The following ATP10B variants were observed in gnomAD, a reference collection of about 807,000 sequenced individuals.
ATP10B encodes ATPase phospholipid transporting 10B (putative).
Under a neutral mutation model 141.2 loss-of-function variants are expected in ATP10B, and 122 were observed. That is an observed-to-expected ratio of 0.86 (90% CI 0.75 to 1.00). ATP10B has a LOEUF of 1.00. ATP10B is among the 50% of genes least tolerant of loss of function. The pLI is 0.00. For synonymous variants in ATP10B, 685 were observed against 692.0 expected (o/e 0.99, Z 0.16); for missense variants, 1,876 against 1,825.3 (o/e 1.03, Z -0.51).
chr5:160,644,302 G>A (rs1760111092), intron 8 of ATP10B, 58 bp from the exon 9 acceptor site: 1 of 1,203,956 alleles, frequency 8.3e-7, no homozygotes, highest in Non-Finnish European at 1.2e-6. Context: ...TGCTGTCACT[G>A]GGTACTGTCA....
At chr5:160,871,119 G>C in the ATP10B span, among the ~76,000 whole-genome samples, 2 of 149,300 alleles carry the variant, frequency 1.3e-5, no homozygotes, top group African/African-American at 4.9e-5. Flanking sequence ...AATCTTCATA[G>C]AGAAAGGAAG....
chr5:160,781,806 T>C (rs1369182345), intron 2 of ATP10B, among the ~76,000 whole-genome samples: 1 of 152,078 alleles, frequency 6.6e-6, no homozygotes, highest in East Asian at 1.9e-4. Flanking sequence ...AATATAAAAA[T>C]AAATCAAATG....
At chr5:160,732,568 A>G (rs866163452) in intron 2 of ATP10B, among the ~76,000 whole-genome samples, 1 of 152,162 alleles carries the variant, frequency 6.6e-6, no homozygotes, top group Non-Finnish European at 1.5e-5. Context: ...ATGTTTTCCC[A>G]GTGTAAGTTC....
intron 1 of ATP10B, among the ~76,000 whole-genome samples, chr5:160,803,596 A>G (rs1772551475): frequency 6.6e-6 from 1 of 152,174 alleles, no homozygotes; most frequent in South Asian, 2.1e-4. Flanking sequence ...GAATCATTGG[A>G]ACCCCGGAGG....
intron 2 of ATP10B, among the ~76,000 whole-genome samples, chr5:160,771,441 A>G (rs1769894200): frequency 6.6e-6 from 1 of 152,312 alleles, no homozygotes; most frequent in South Asian, 2.1e-4. Context: ...AATAATCTTT[A>G]AAGAATTACT....
At chr5:160,592,244 T>C (rs528152218) in intron 22 of ATP10B, among the ~76,000 whole-genome samples, 62 of 152,296 alleles carry the variant, frequency 4.1e-4, no homozygotes, top group African/African-American at 1.3e-3. Flanking sequence ...ATTGTATACC[T>C]TACCCAATGA....
chr5:160,638,090 C>A (rs1258923482), intron 10 of ATP10B, among the ~76,000 whole-genome samples: 1 of 152,136 alleles, frequency 6.6e-6, no homozygotes, highest in East Asian at 1.9e-4. Flanking sequence ...AGAAACACCA[C>A]CTTTACAAAA....
chr5:160,921,506 G>T, the ATP10B span, among the ~76,000 whole-genome samples: 1 of 152,108 alleles, frequency 6.6e-6, no homozygotes, highest in Admixed American at 6.5e-5. Context: ...AATAAATAGG[G>T]CTAGTTAATC....
At position 160,785,699 on chromosome 5, in the gene ATP10B, C is replaced by G. The variant is rs1293002585; in HGVS notation, c.-471G>C. ...GGCAGTGGAGAGGAGTTCATTATCT[C>G]CACTGAGTGAGATGAATAATAGGAA... is the stretch of plus-strand genomic sequence containing the variant. On this transcript the variant is annotated 5_prime_UTR_variant, in exon 2 of 26. Transcript: ENST00000327245. 1 of 1,285,580 alleles carries G rather than the reference C, an allele frequency of 7.8e-7. No individual in the cohort carries two copies. Among genetic ancestry groups the G allele is most frequent in the South Asian group, 1.2e-5 (1 of 80,328 alleles). 79.6% of individuals were successfully genotyped at this position (1,285,580 alleles called of 1,614,324 possible).
At chr5:160,912,380 C>G in the ATP10B span, among the ~76,000 whole-genome samples, 1 of 139,590 alleles carries the variant, frequency 7.2e-6, no homozygotes, top group African/African-American at 2.7e-5. Flanking sequence ...AGTTTGAGAC[C>G]AGCCTGGCCA....
At position 160,640,697 on chromosome 5, in the gene ATP10B, C is replaced by T. The variant is rs1039663772; in HGVS notation, c.869-105G>A. ...GGAGCTTAAGATAAAAGAGAGGCTT[C>T]ACTCTTTAACCTGAACTTGCCCCGC... On this transcript the variant is annotated intron_variant, in intron 9 of 25. Coordinates refer to ENST00000327245, the MANE Select transcript of ATP10B (RefSeq NM_025153.3). 6 of 1,450,788 alleles carry T rather than the reference C, an allele frequency of 4.1e-6. No individual in the cohort carries two copies. In the African/African-American group the frequency reaches 7.1e-5, roughly 17 times the overall value. 89.9% of individuals were successfully genotyped at this position (1,450,788 alleles called of 1,614,324 possible).
At chr5:160,790,180 G>A (rs981121404) in intron 1 of ATP10B, among the ~76,000 whole-genome samples, 4 of 152,060 alleles carry the variant, frequency 2.6e-5, no homozygotes, top group Non-Finnish European at 4.4e-5. Context: ...TTTCTTTAAA[G>A]GACATTTGTT....
At chr5:160,906,443 A>G in the ATP10B span, among the ~76,000 whole-genome samples, 48 of 152,274 alleles carry the variant, frequency 3.2e-4, no homozygotes, top group African/African-American at 1.1e-3. Context: ...TAATCCTTCT[A>G]AACACTTTGG....
At chr5:160,830,485 T>C (rs1015747224) in intron 1 of ATP10B, among the ~76,000 whole-genome samples, 1 of 152,084 alleles carries the variant, frequency 6.6e-6, no homozygotes, top group Admixed American at 6.6e-5. Flanking sequence ...AGGTTTAAGA[T>C]TTTTTTGAGC....
the ATP10B span, among the ~76,000 whole-genome samples, chr5:160,912,323 T>A: frequency 6.8e-6 from 1 of 146,182 alleles, no homozygotes; most frequent in African/African-American, 2.5e-5. Context: ...ACGCCTATAA[T>A]CCCAGCACTT....
intron 21 of ATP10B, among the ~76,000 whole-genome samples, chr5:160,600,949 T>C (rs940954705): frequency 6.6e-6 from 1 of 151,530 alleles, no homozygotes; most frequent in African/African-American, 2.4e-5. Context: ...ATAAATATCA[T>C]TTAAGCTTTG....
intron 1 of ATP10B, among the ~76,000 whole-genome samples, chr5:160,846,205 T>C (rs1246755250): frequency 1.3e-5 from 2 of 152,170 alleles, no homozygotes; most frequent in African/African-American, 2.4e-5. Flanking sequence ...TATTTAGAAA[T>C]GAGTGCCTAA....
the ATP10B span, among the ~76,000 whole-genome samples, chr5:160,920,686 T>G: frequency 1.3e-5 from 2 of 152,230 alleles, no homozygotes; most frequent in Admixed American, 1.3e-4. Context: ...AAGCCACACC[T>G]CAGAGATGCT....
chr5:160,662,667 A>G (rs1243488869), intron 7 of ATP10B, among the ~76,000 whole-genome samples: 1 of 152,222 alleles, frequency 6.6e-6, no homozygotes, highest in Non-Finnish European at 1.5e-5. Flanking sequence ...AAAGACTTAA[A>G]TGTTAGATCT....
Sources: gnomAD v4.1 joint callset for allele counts (sites outside exome capture counted in the v4.1 genomes callset) on GRCh38, gnomAD v4.1.1 for gene constraint, MANE v1.5 for transcripts, NCBI Gene and HGNC (gene_info 2026-07-23, HGNC 2026-07-21) for gene names.